Variants in CASK observed in about 807,000 individuals in gnomAD.
CASK encodes calcium/calmodulin dependent serine protein kinase, also known as peripheral plasma membrane protein CASK.
Under a neutral mutation model 82.9 loss-of-function variants are expected in CASK, and 4 were observed. The ratio of observed to expected loss-of-function variants is 0.05; its 90% confidence interval spans 0.02 to 0.11. The LOEUF is 0.11. Ranked by LOEUF, CASK falls within the 10% of genes least tolerant of loss-of-function variation. CASK has a pLI of 1.00. For missense variants in CASK, 358 were observed against 720.9 expected, an observed-to-expected ratio of 0.50 and a Z score of 5.76; for synonymous variants, 259 against 253.5, an observed-to-expected ratio of 1.02 and a Z score of -0.20.
chrX:41,575,962 TTTTTCTTTTC>T (rs890106283), intron 15 of CASK, among the ~76,000 whole-genome samples: 8 of 109,874 alleles, frequency 7.3e-5, no homozygotes, highest in East Asian at 2.9e-4. Flanking sequence ...CTATGTTTCT[TTTTTCTTTTC>T]TTTTCTTTTC....
chrX:41,528,603 C>T (rs1289927737), intron 25 of CASK, among the ~76,000 whole-genome samples: 1 of 112,354 alleles, frequency 8.9e-6, no homozygotes, highest in East Asian at 2.8e-4. Flanking sequence ...ACCATCTTGT[C>T]TTCTGAATTG....
chrX:41,851,226 G>A (rs927903186), intron 2 of CASK, among the ~76,000 whole-genome samples: 2 of 111,774 alleles, frequency 1.8e-5, no homozygotes, highest in African/African-American at 6.5e-5. Flanking sequence ...ATTCTATTAA[G>A]TTCAAGGAGG....
At chrX:41,740,470 T>TA (rs569748329) in intron 4 of CASK, among the ~76,000 whole-genome samples, 6,701 of 94,095 alleles carry the variant, frequency 0.071, 199 homozygotes, top group Non-Finnish European at 0.082. Context: ...GACTCAGGAC[T>TA]AAAAAAAAAA....
In CASK at chrX:41,922,455, A is replaced by G. The variant is rs770135093; in HGVS notation, c.59+475T>C. 5.4e-5 allele frequency among the ~76,000 whole-genome samples: 6 copies of G among 112,034 alleles called. No homozygotes were observed. In the East Asian group the frequency reaches 1.7e-3, roughly 31 times the overall value. ...ACCCCGTCTTAAATGACCCCCTCCA[A>G]TCCGAGCATGGGGTGTACACAAAGG... On this transcript the variant is annotated intron_variant, in intron 1 of 26. Coordinates refer to ENST00000378163, the MANE Select transcript of CASK (RefSeq NM_001367721.1).
chrX:41,723,305 G>T (rs935632224), intron 5 of CASK, among the ~76,000 whole-genome samples: 1 of 112,125 alleles, frequency 8.9e-6, no homozygotes, highest in African/African-American at 3.2e-5. Flanking sequence ...TCAAGGATGA[G>T]AGGGAGTGCT....
chrX:41,660,800 T>C (rs997876079), intron 7 of CASK, among the ~76,000 whole-genome samples: 2 of 112,362 alleles, frequency 1.8e-5, no homozygotes, highest in Non-Finnish European at 3.7e-5. Context: ...ATGTAAGTGA[T>C]AATATTTTCA....
rs374578988 is a variant in CASK at position 41,625,811 on chromosome X, G to A, written c.1015+793C>T. Among the ~76,000 whole-genome samples, 12 of 107,728 alleles carry A rather than the reference G, an allele frequency of 1.1e-4. No homozygotes were observed. In the South Asian group the frequency reaches 2.4e-3, roughly 22 times the overall value. The allele number at this position is 107,728 out of a possible 115,157, so 93.5% of individuals were successfully genotyped here. A position where few individuals can be genotyped will look rare whatever the true frequency, so the allele number is the denominator to read the frequency against. The stretch of plus-strand genomic sequence containing the variant: ...TTTTCTTTTTTTGAGATGGAGTCTC[G>A]CATTATCGCCCAGGCTGGAGTGCAG... On this transcript the variant is annotated intron_variant, in intron 10 of 26. Coordinates refer to ENST00000378163, the MANE Select transcript of CASK (RefSeq NM_001367721.1).
chrX:41,750,242 T>G (rs1341103717), intron 3 of CASK, among the ~76,000 whole-genome samples: 1 of 112,633 alleles, frequency 8.9e-6, no homozygotes, highest in Non-Finnish European at 1.9e-5. Flanking sequence ...TTATGCAAAT[T>G]TTATTCAACG....
At chrX:41,797,422 C>T (rs1364632991) in intron 2 of CASK, among the ~76,000 whole-genome samples, 3 of 110,647 alleles carry the variant, frequency 2.7e-5, no homozygotes, top group African/African-American at 6.6e-5. Flanking sequence ...TGCAATCTAG[C>T]AACCGCCTCC....
intron 24 of CASK, 151 bp from the exon 25 acceptor site, chrX:41,531,360 T>G (rs2064801727): frequency 1.9e-6 from 1 of 512,947 alleles, no homozygotes; most frequent in Admixed American, 2.8e-5. Flanking sequence ...CCAGTGGCTT[T>G]GCAGAACTAA....
chrX:41,758,160 C>T (rs749650651), intron 3 of CASK, among the ~76,000 whole-genome samples: 37 of 111,396 alleles, frequency 3.3e-4, no homozygotes, highest in Non-Finnish European at 6.2e-4. Context: ...ATGGGCTGGG[C>T]GCAGTGGCTC....
intron 5 of CASK, chrX:41,695,997 C>T (rs376760361): frequency 1.1e-5 from 13 of 1,207,667 alleles, no homozygotes; most frequent in Non-Finnish European, 1.3e-5. Context: ...CAAGTGGACA[C>T]TAGGTGTGAT....
At chrX:41,587,786 G>A (rs1030205996) in intron 13 of CASK, 1 of 112,302 alleles carries the variant, frequency 8.9e-6, no homozygotes, top group African/African-American at 3.2e-5. Context: ...TATGGGACAT[G>A]AACCCATGAA....
intron 24 of CASK, 122 bp from the exon 25 acceptor site, chrX:41,531,331 A>C: frequency 3.2e-5 from 19 of 592,566 alleles, no homozygotes; most frequent in Non-Finnish European, 5.0e-5. Flanking sequence ...CGTATATCTC[A>C]TATCCCCTGT....
At chrX:41,836,719 A>G (rs1023325620) in intron 2 of CASK, among the ~76,000 whole-genome samples, 4 of 111,790 alleles carry the variant, frequency 3.6e-5, no homozygotes, top group Non-Finnish European at 7.5e-5. Flanking sequence ...ACAAAATTAA[A>G]CAAAAGTATA....
intron 12 of CASK, among the ~76,000 whole-genome samples, chrX:41,604,851 TAG>T (rs889403207): frequency 8.9e-6 from 1 of 112,338 alleles, no homozygotes; most frequent in African/African-American, 3.2e-5. Flanking sequence ...AGCAAATATT[TAG>T]AGTTTTCTGT....
At chrX:41,804,241 G>A (rs1395500295) in intron 2 of CASK, among the ~76,000 whole-genome samples, 2 of 110,606 alleles carry the variant, frequency 1.8e-5, no homozygotes, top group African/African-American at 3.3e-5. Context: ...CCAGCTGCTC[G>A]GGAAGCTGAG....
intron 2 of CASK, among the ~76,000 whole-genome samples, chrX:41,842,217 T>C (rs2071053704): frequency 8.9e-6 from 1 of 111,820 alleles, no homozygotes; most frequent in African/African-American, 3.2e-5. Context: ...TAATTCAATT[T>C]CATCAATCTA....
intron 3 of CASK, among the ~76,000 whole-genome samples, chrX:41,769,999 T>A (rs1017544433): frequency 9.0e-6 from 1 of 110,809 alleles, no homozygotes; most frequent in Non-Finnish European, 1.9e-5. Context: ...AGCATCATCT[T>A]AGGCCAATAA....
Sources: gnomAD v4.1 joint callset for allele counts (sites outside exome capture counted in the v4.1 genomes callset) on GRCh38, gnomAD v4.1.1 for gene constraint, MANE v1.5 for transcripts, NCBI Gene and HGNC (gene_info 2026-07-23, HGNC 2026-07-21) for gene names.